Variants in EIF2S3 observed in about 807,000 individuals in gnomAD.
The protein encoded by EIF2S3 is eukaryotic translation initiation factor 2 subunit 3.
Under a neutral mutation model 31.7 loss-of-function variants are expected in EIF2S3, and 2 were observed. The observed-to-expected ratio is 0.06, with a 90% CI of 0.03 to 0.20. The LOEUF (loss-of-function observed/expected upper bound fraction) is 0.20. Ranked by LOEUF, EIF2S3 falls within the 10% of genes least tolerant of loss-of-function variation. The pLI is 1.00. For missense variants in EIF2S3, 96 were observed against 359.3 expected, an observed-to-expected ratio of 0.27 and a Z score of 5.92; for synonymous variants, 120 against 126.7, an observed-to-expected ratio of 0.95 and a Z score of 0.36.
intron 4 of EIF2S3, among the ~76,000 whole-genome samples, chrX:24,059,280 G>T (rs1163547336): frequency 8.9e-6 from 1 of 111,995 alleles, no homozygotes; most frequent in Non-Finnish European, 1.9e-5. Context: ...TTTAGATCAT[G>T]ACAATGTGAG....
In EIF2S3 at chrX:24,078,739, T is replaced by C. The variant is rs931993635; in HGVS notation, c.*1954T>C. On this transcript the variant is annotated 3_prime_UTR_variant, in exon 12 of 12. Transcript: ENST00000253039. ...GTTTTGAGGAAGCATATTAATGTTA[T>C]AAACTTCGCTGACTTTGAAGGTTGT... Among the ~76,000 whole-genome samples, 3 of 112,317 alleles carry C rather than the reference T, an allele frequency of 2.7e-5. No homozygotes were observed. Among genetic ancestry groups the C allele is most frequent in the African/African-American group, 9.7e-5 (3 of 30,965 alleles).
intron 11 of EIF2S3, among the ~76,000 whole-genome samples, chrX:24,075,055 G>T (rs1346481128): frequency 1.8e-5 from 2 of 108,450 alleles, no homozygotes; most frequent in African/African-American, 6.7e-5. Context: ...AGTAGAGACG[G>T]GGTTTCACCA....
chrX:24,072,044 T>A (rs1172790736), intron 10 of EIF2S3, among the ~76,000 whole-genome samples: 2 of 108,768 alleles, frequency 1.8e-5, no homozygotes, highest in Non-Finnish European at 3.8e-5. Flanking sequence ...CCCAGCTAAT[T>A]TTTGTATATT....
intron 11 of EIF2S3, among the ~76,000 whole-genome samples, chrX:24,075,791 T>C (rs771109197): frequency 2.7e-5 from 3 of 111,344 alleles, no homozygotes; most frequent in Admixed American, 1.9e-4. Flanking sequence ...GGCTGGAGTT[T>C]AGTGGCATGA....
At chrX:24,064,921 A>AATTT (rs1485854461) in intron 7 of EIF2S3, among the ~76,000 whole-genome samples, 4 of 112,181 alleles carry the variant, frequency 3.6e-5, no homozygotes, top group African/African-American at 1.3e-4. Flanking sequence ...ATGGAATCAT[A>AATTT]ATGTTTTAGG....
chrX:24,074,862 C>CTTTTTTTTTTTTTTTTT (rs758813480), intron 11 of EIF2S3, among the ~76,000 whole-genome samples: 16 of 47,464 alleles, frequency 3.4e-4, no homozygotes, highest in East Asian at 5.4e-4. Context: ...TTTTCTTCTT[C>CTTTTTTTTTTTTTTTTT]TTTTTTTTTT....
At position 24,076,923 on chromosome X, in the gene EIF2S3, T is replaced by TC; in HGVS notation, c.*139dup. The TC allele has an allele frequency of 4.6e-6, 1 of 215,250 alleles. No homozygotes were observed. The highest frequency in any genetic ancestry group is 8.9e-5 in the Admixed American group (1 of 11,268). 17.7% of individuals were successfully genotyped at this position (215,250 alleles called of 1,213,427 possible). A position where few individuals can be genotyped will look rare whatever the true frequency, so the allele number is the denominator to read the frequency against. On this transcript the variant is annotated 3_prime_UTR_variant, in exon 12 of 12. Coordinates refer to ENST00000253039, the MANE Select transcript of EIF2S3 (RefSeq NM_001415.4). Reference sequence around the variant, plus strand: ...CCTTAGTAGGTAACGGTAAGGTTATTCTCTTTTTTTTTTTTTTTTTTTTTG... The same window carrying TC: ...CCTTAGTAGGTAACGGTAAGGTTATTCCTCTTTTTTTTTTTTTTTTTTTTTG...
At chrX:24,071,107 A>G (rs977572251) in intron 9 of EIF2S3, among the ~76,000 whole-genome samples, 1 of 111,574 alleles carries the variant, frequency 9.0e-6, no homozygotes, top group Non-Finnish European at 1.9e-5. Context: ...TCTTGTACCT[A>G]TATAGCTATT....
At position 24,060,429 on chromosome X, in the gene EIF2S3, A is replaced by G. The variant is rs372890855; in HGVS notation, c.478+247A>G. ...CATTTGAGAAAAAGAAAAAAAGTCA[A>G]TAGTTCATTTTTCTCATTTAAATCA... is the stretch of plus-strand genomic sequence containing the variant. On this transcript the variant is annotated intron_variant, in intron 5 of 11. Transcript: ENST00000253039. 2,519 of 386,540 alleles carry G rather than the reference A, an allele frequency of 6.5e-3. 12 individuals are homozygous for G. The highest frequency in any genetic ancestry group is 7.5e-3 in the Non-Finnish European group (1,666 of 221,617). 31.9% of individuals were successfully genotyped at this position (386,540 alleles called of 1,213,427 possible). A position where few individuals can be genotyped will look rare whatever the true frequency, so the allele number is the denominator to read the frequency against.
chrX:24,068,608 C>T (rs938666434), intron 9 of EIF2S3, among the ~76,000 whole-genome samples: 2 of 110,709 alleles, frequency 1.8e-5, no homozygotes, highest in Non-Finnish European at 1.9e-5. Context: ...CCAGGCCCAG[C>T]TAAGATTTTT....
chrX:24,071,509 T>C, intron 9 of EIF2S3, 49 bp from the exon 10 acceptor site: 1 of 1,149,210 alleles, frequency 8.7e-7, no homozygotes, highest in Non-Finnish European at 1.2e-6. Context: ...ACTTTATAGG[T>C]GTTTTAGGAA....
intron 11 of EIF2S3, among the ~76,000 whole-genome samples, chrX:24,075,045 A>G (rs957476389): frequency 2.8e-5 from 3 of 107,927 alleles, no homozygotes; most frequent in South Asian, 8.0e-4. Context: ...TTGTATTTTC[A>G]GTAGAGACGG....
chrX:24,071,452 A>G (rs1930669527), intron 9 of EIF2S3, 106 bp from the exon 10 acceptor site: 3 of 870,349 alleles, frequency 3.4e-6, no homozygotes, highest in Non-Finnish European at 4.8e-6. Context: ...GGCCTCCCAA[A>G]GTGCTGGGAT....
chrX:24,070,647 G>A (rs991088480), intron 9 of EIF2S3, among the ~76,000 whole-genome samples: 1 of 109,383 alleles, frequency 9.1e-6, no homozygotes, highest in Non-Finnish European at 1.9e-5. Context: ...ATGTTGGCTA[G>A]ACTTGTCTTG....
chrX:24,063,176 G>A (rs1930518565), intron 6 of EIF2S3, among the ~76,000 whole-genome samples: 1 of 112,195 alleles, frequency 8.9e-6, no homozygotes, highest in Non-Finnish European at 1.9e-5. Flanking sequence ...TTGGGGGGCG[G>A]AGGTTGCGGT....
At chrX:24,074,944 A>C (rs763072303) in intron 11 of EIF2S3, among the ~76,000 whole-genome samples, 1 of 91,543 alleles carries the variant, frequency 1.1e-5, no homozygotes, top group South Asian at 5.2e-4. Flanking sequence ...AGCTCACTGC[A>C]ACCTCTGCCT....
chrX:24,065,605 G>GA (rs1262311555), intron 7 of EIF2S3, among the ~76,000 whole-genome samples: 11 of 109,660 alleles, frequency 1.0e-4, no homozygotes, highest in South Asian at 3.8e-4. Context: ...ATGATAGAGG[G>GA]AAAAAAAAAT....
chrX:24,061,420 G>C (rs1336445870), intron 5 of EIF2S3, among the ~76,000 whole-genome samples: 1 of 108,160 alleles, frequency 9.2e-6, no homozygotes, highest in Non-Finnish European at 1.9e-5. Context: ...TTAGCCGGGT[G>C]TGGTGGGGCA....
chrX:24,071,240 G>C (rs137963466), intron 9 of EIF2S3, among the ~76,000 whole-genome samples: 1,410 of 108,330 alleles, frequency 0.013, 27 homozygotes, highest in African/African-American at 0.045. Context: ...ACCCAGGTTG[G>C]AGTGCAGTGG....
Sources: allele counts gnomAD v4.1 joint callset (sites outside exome capture counted in the v4.1 genomes callset), GRCh38; gene constraint gnomAD v4.1.1; transcripts MANE v1.5; gene names NCBI Gene and HGNC (gene_info 2026-07-23, HGNC 2026-07-21).